The following NDST4 variants were observed in gnomAD, a reference collection of about 807,000 sequenced individuals.
NDST4 encodes N-deacetylase and N-sulfotransferase 4.
NDST4 carries 63 observed loss-of-function variants against 100.8 expected under a neutral mutation model. The ratio of observed to expected loss-of-function variants is 0.62; its 90% CI spans 0.51 to 0.77. The LOEUF is 0.77. NDST4 is among the 30% of genes least tolerant of loss of function. NDST4 has a pLI of 0.00. For missense variants in NDST4, 943 were observed against 1,018.4 expected (o/e 0.93, Z 1.01); for synonymous variants, 377 against 361.8 (o/e 1.04, Z -0.48).
chr4:114,981,106 A>G (rs1434844558), intron 2 of NDST4, among the ~76,000 whole-genome samples: 1 of 152,066 alleles, frequency 6.6e-6, no homozygotes, highest in East Asian at 1.9e-4. Flanking sequence ...TGTAGTCTCA[A>G]CTACTTCCAG....
intron 6 of NDST4, among the ~76,000 whole-genome samples, chr4:114,906,208 A>G (rs987326264): frequency 6.6e-6 from 1 of 152,068 alleles, no homozygotes; most frequent in African/African-American, 2.4e-5. Context: ...AGGGAGAAAG[A>G]TTGAAAAGAA....
At position 115,047,888 on chromosome 4, in the gene NDST4, C is replaced by G. The variant is rs184231459; in HGVS notation, c.978+28171G>C. Among the ~76,000 whole-genome samples the G allele has an allele frequency of 3.4e-3, 519 of 152,060 alleles. 3 individuals are homozygous for G. Among genetic ancestry groups the G allele is most frequent in the Non-Finnish European group, 4.1e-3 (277 of 67,956 alleles). On this transcript the variant is annotated intron_variant, in intron 2 of 13. Coordinates refer to ENST00000264363, the MANE Select transcript of NDST4 (RefSeq NM_022569.3). ...GAATATTATAAAAATAATGACTTGT[C>G]AAATTGTAATAGAATTAATAATATT...
At chr4:114,891,501 C>T (rs1473894391) in intron 6 of NDST4, among the ~76,000 whole-genome samples, 2 of 152,072 alleles carry the variant, frequency 1.3e-5, no homozygotes, top group African/African-American at 2.4e-5. Context: ...TTCCCTTGTT[C>T]TCGATGCCCT....
chr4:114,978,111 T>C (rs1396416891), intron 2 of NDST4, among the ~76,000 whole-genome samples: 1 of 152,038 alleles, frequency 6.6e-6, no homozygotes, highest in Non-Finnish European at 1.5e-5. Flanking sequence ...CTGGTATGCA[T>C]ATTGATTCAG....
At chr4:114,904,252 A>T (rs1396779938) in intron 6 of NDST4, among the ~76,000 whole-genome samples, 1 of 151,974 alleles carries the variant, frequency 6.6e-6, no homozygotes, top group African/African-American at 2.4e-5. Context: ...CACATACATC[A>T]TAAATTTCTC....
At chr4:114,912,118 C>T (rs145840998) in intron 6 of NDST4, among the ~76,000 whole-genome samples, 39 of 152,122 alleles carry the variant, frequency 2.6e-4, no homozygotes, top group African/African-American at 8.4e-4. Flanking sequence ...TCTAAGAGAC[C>T]AATTGCTCAG....
chr4:114,884,117 A>T (rs1724428812), intron 6 of NDST4, among the ~76,000 whole-genome samples: 1 of 152,144 alleles, frequency 6.6e-6, no homozygotes, highest in Admixed American at 6.6e-5. Flanking sequence ...TATAATGAGA[A>T]AGATTATTAT....
intron 2 of NDST4, among the ~76,000 whole-genome samples, chr4:115,026,098 C>T (rs75459489): frequency 0.014 from 2,175 of 152,118 alleles, 50 homozygotes; most frequent in African/African-American, 0.047. Flanking sequence ...AAGCTATATT[C>T]CCCTTTCAAC....
chr4:114,994,906 C>G (rs1318640677), intron 2 of NDST4, among the ~76,000 whole-genome samples: 1 of 151,740 alleles, frequency 6.6e-6, no homozygotes, highest in Non-Finnish European at 1.5e-5. Context: ...CCACAAATTT[C>G]TTAAGCAGCA....
intron 2 of NDST4, among the ~76,000 whole-genome samples, chr4:115,014,264 C>T (rs1430899093): frequency 1.3e-5 from 2 of 152,016 alleles, no homozygotes; most frequent in Admixed American, 1.3e-4. Flanking sequence ...TTTGCAGGAA[C>T]CTTGATCACA....
chr4:114,911,526 T>C (rs1022586920), intron 6 of NDST4, among the ~76,000 whole-genome samples: 8 of 152,280 alleles, frequency 5.3e-5, no homozygotes, highest in African/African-American at 1.9e-4. Flanking sequence ...GCATGGATAT[T>C]TTTTCTTATG....
chr4:114,845,952 A>C lies in NDST4; in HGVS notation c.1986T>G (p.Phe662Leu). 6.2e-7 allele frequency: 1 copy of C among 1,614,036 alleles called. No individual in the cohort carries two copies. Among genetic ancestry groups the C allele is most frequent in the Non-Finnish European group, 8.5e-7 (1 of 1,179,902 alleles). The change falls in exon 10 of 14, where the codon TTT (phenylalanine) becomes TTG (leucine). Residue 662 changes from phenylalanine (F) to leucine (L), a missense_variant. By Grantham distance (22) the Phe-to-Leu change is conservative. Transcript: ENST00000264363. ...AGTAATTAGCACTCTTTTCAAACAG[A>C]AAGTCACTTGTAGTATTGGATGGTG... Reference protein sequence around the residue: ...FPTPSNTTSDFLFEKSANYFH... With the variant: ...FPTPSNTTSDLLFEKSANYFH...
At chr4:114,902,386 C>A (rs1724862932) in intron 6 of NDST4, among the ~76,000 whole-genome samples, 1 of 151,998 alleles carries the variant, frequency 6.6e-6, no homozygotes, top group Admixed American at 6.6e-5. Context: ...TTTGTCTGAA[C>A]ATTTTAGATA....
intron 6 of NDST4, among the ~76,000 whole-genome samples, chr4:114,919,924 A>G (rs1378902731): frequency 1.3e-5 from 2 of 152,162 alleles, no homozygotes; most frequent in Admixed American, 1.3e-4. Context: ...CAACAGATAT[A>G]TAATAGAACC....
chr4:115,084,499 T>C (rs1560594709), intron 1 of NDST4, among the ~76,000 whole-genome samples: 1 of 152,130 alleles, frequency 6.6e-6, no homozygotes, highest in Non-Finnish European at 1.5e-5. Context: ...ACCTTCATGG[T>C]AGCCCCTCCC....
chr4:114,969,148 C>T (rs1006290433), intron 4 of NDST4, among the ~76,000 whole-genome samples: 7 of 151,792 alleles, frequency 4.6e-5, no homozygotes, highest in Non-Finnish European at 8.8e-5. Flanking sequence ...CCCGTCTCTA[C>T]TAAAAATACA....
At chr4:114,986,044 A>C (rs552331039) in intron 2 of NDST4, among the ~76,000 whole-genome samples, 1 of 152,308 alleles carries the variant, frequency 6.6e-6, no homozygotes, top group Non-Finnish European at 1.5e-5. Context: ...TATACCGGTA[A>C]GGATAATGGT....
intron 2 of NDST4, among the ~76,000 whole-genome samples, chr4:115,040,844 A>C (rs1578476255): frequency 2.0e-5 from 3 of 152,038 alleles, no homozygotes; most frequent in Middle Eastern, 6.8e-3. Context: ...AGGTTTATCT[A>C]TATGTGCATA....
At chr4:115,054,129 C>T (rs1728644051) in intron 2 of NDST4, among the ~76,000 whole-genome samples, 1 of 151,378 alleles carries the variant, frequency 6.6e-6, no homozygotes, top group Non-Finnish European at 1.5e-5. Context: ...TAAATATTTA[C>T]AATATTTAAA....
Sources: allele counts gnomAD v4.1 joint callset (sites outside exome capture counted in the v4.1 genomes callset), GRCh38; gene constraint gnomAD v4.1.1; transcripts MANE v1.5; gene names NCBI Gene and HGNC (gene_info 2026-07-23, HGNC 2026-07-21).